PCDHA10: variants seen among roughly 807,000 people sequenced by gnomAD.
PCDHA10 encodes protocadherin alpha 10.
In PCDHA10, 45 loss-of-function variants were observed where a neutral mutation model predicts 61.2. The ratio of observed to expected loss-of-function variants is 0.74; its 90% confidence interval spans 0.58 to 0.94. The LOEUF (loss-of-function observed/expected upper bound fraction) is 0.94. PCDHA10 is among the 40% of genes least tolerant of loss of function. The pLI is 0.00. For missense variants in PCDHA10, 1,278 were observed against 1,236.2 expected, an observed-to-expected ratio of 1.03 and a Z score of -0.51; for synonymous variants, 602 against 548.8, an observed-to-expected ratio of 1.10 and a Z score of -1.35.
chr5:140,942,901 A>T (rs1361297196), intron 1 of PCDHA10, among the ~76,000 whole-genome samples: 1 of 152,094 alleles, frequency 6.6e-6, no homozygotes, highest in East Asian at 1.9e-4. Context: ...TATCTCTAAG[A>T]ATAAGCGTGA....
chr5:140,888,059 T>C (rs1562834280), intron 1 of PCDHA10, among the ~76,000 whole-genome samples: 1 of 152,232 alleles, frequency 6.6e-6, no homozygotes, highest in African/African-American at 2.4e-5. Context: ...TGTTTTAACT[T>C]TCTTGTCTGC....
chr5:140,882,336 C>T, intron 1 of PCDHA10: 1 of 1,614,162 alleles, frequency 6.2e-7, no homozygotes, highest in Non-Finnish European at 8.5e-7. Flanking sequence ...ATCCTCGCAG[C>T]CTGGGAGACG....
At chr5:140,904,412 A>C (rs1554191488) in intron 1 of PCDHA10, among the ~76,000 whole-genome samples, 2 of 150,986 alleles carry the variant, frequency 1.3e-5, no homozygotes, top group Non-Finnish European at 2.9e-5. Context: ...TATATATATA[A>C]TACATATATT....
At position 140,978,994 on chromosome 5, in the gene PCDHA10, GCAGGCATGCA is replaced by G; in HGVS notation, c.2439_2447+1del. 3 of 1,614,152 alleles carry G rather than the reference GCAGGCATGCA, an allele frequency of 1.9e-6. No homozygotes were observed. The highest frequency in any genetic ancestry group is 8.5e-7 in the Non-Finnish European group (1 of 1,180,022). ...CTGGCGTTACTCTGCCTCCCTGAGA[GCAGGCATGCA>G]CAGGTATGTATTTCCCTCCTCATTC... On this transcript the variant is annotated frameshift_variant, in exon 2 of 4. Transcript: ENST00000307360. LOFTEE classifies it high-confidence loss of function.
chr5:140,928,409 C>A (rs782636217), intron 1 of PCDHA10: 2 of 1,613,912 alleles, frequency 1.2e-6, no homozygotes, highest in Non-Finnish European at 8.5e-7. Context: ...TCCAGTGGGG[C>A]CATCACTGCC....
chr5:140,859,450 G>T, intron 1 of PCDHA10: 1 of 220,914 alleles, frequency 4.5e-6, no homozygotes, highest in Non-Finnish European at 8.7e-6. Context: ...TAGTTGCAGA[G>T]TGACAAAACT....
intron 1 of PCDHA10, 102 bp from the exon 2 acceptor site, chr5:140,978,847 G>GA: frequency 6.4e-7 from 1 of 1,570,216 alleles, no homozygotes; most frequent in Non-Finnish European, 8.6e-7. Context: ...TACTTTTTTA[G>GA]ATGCCTGGAA....
At chr5:140,870,477 G>A (rs781992966) in intron 1 of PCDHA10, 2 of 1,614,238 alleles carry the variant, frequency 1.2e-6, no homozygotes, top group East Asian at 2.2e-5. Flanking sequence ...CACAGCCCGA[G>A]TACACCGTGT....
intron 1 of PCDHA10, among the ~76,000 whole-genome samples, chr5:140,949,802 A>G (rs974562597): frequency 1.3e-5 from 2 of 151,818 alleles, no homozygotes; most frequent in Admixed American, 6.6e-5. Flanking sequence ...CCTTCAATAC[A>G]TTATTTGCTT....
Position 140,856,978 on chromosome 5 carries a change from G to A in PCDHA10, c.930G>A (p.Glu310=). 2 of 1,594,578 alleles carry A rather than the reference G, an allele frequency of 1.3e-6. No homozygotes were observed. Among genetic ancestry groups the A allele is most frequent in the Non-Finnish European group, 1.7e-6 (2 of 1,164,440 alleles). Residue 310 remains glutamate (E), a synonymous_variant, in exon 1 of 4, where the codon GAG becomes GAA. Transcript: ENST00000307360. ...EIKVNDAIDF[E]DSNTYEIHVD... ...AAGTAAATGATGCTATTGACTTTGA[G>A]GACAGTAACACTTATGAAATTCATG... is the stretch of plus-strand genomic sequence containing the variant.
chr5:140,875,567 A>G (rs1389005721), intron 1 of PCDHA10: 14 of 1,613,986 alleles, frequency 8.7e-6, no homozygotes, highest in African/African-American at 2.7e-5. Context: ...GGCCAGCTCC[A>G]CTACTCCGTC....
rs1455018619 is a variant in PCDHA10, at chr5:140,856,553, T to TAC, written c.507_508dup (p.Lys170ThrfsTer14). ...TGTTGGAGAGAACGCATTGCTTACT[T>TAC]ACAAACTCAGTCCAAATGAGTATTT... is the stretch of plus-strand genomic sequence containing the variant. On this transcript the variant is annotated frameshift_variant, in exon 1 of 4. Transcript: ENST00000307360. LOFTEE classifies it high-confidence loss of function. 2 of 1,598,066 alleles carry TAC rather than the reference T, an allele frequency of 1.3e-6. No homozygotes were observed. The highest frequency in any genetic ancestry group is 2.7e-5 in the African/African-American group (2 of 74,290).
chr5:140,921,694 A>G (rs1251407999), intron 1 of PCDHA10, among the ~76,000 whole-genome samples: 1 of 152,200 alleles, frequency 6.6e-6, no homozygotes, highest in Non-Finnish European at 1.5e-5. Context: ...TGGCCACCTC[A>G]ATTTTAAACA....
At chr5:140,883,466 A>G (rs782104317) in intron 1 of PCDHA10, 43 of 1,614,010 alleles carry the variant, frequency 2.7e-5, no homozygotes, top group Non-Finnish European at 3.5e-5. Context: ...GCTGGTGTCC[A>G]CCTACAAGAA....
intron 1 of PCDHA10, among the ~76,000 whole-genome samples, chr5:140,937,175 C>A: frequency 6.6e-6 from 1 of 151,650 alleles, no homozygotes; most frequent in Non-Finnish European, 1.5e-5. Context: ...GTAGCTGGGA[C>A]TACAGGCGCC....
At chr5:140,863,178 C>T (rs1420894530) in intron 1 of PCDHA10, 2 of 736,748 alleles carry the variant, frequency 2.7e-6, no homozygotes, top group Non-Finnish European at 4.7e-6. Flanking sequence ...TGACTGCCAC[C>T]GTCACCGTGG....
chr5:140,927,632 C>G (rs2084445013), intron 1 of PCDHA10: 2 of 1,614,142 alleles, frequency 1.2e-6, no homozygotes, highest in Non-Finnish European at 1.7e-6. Context: ...GAGACTGCAC[C>G]CAATGGGACT....
intron 3 of PCDHA10, among the ~76,000 whole-genome samples, chr5:141,000,228 G>C (rs994042672): frequency 3.3e-5 from 5 of 151,306 alleles, no homozygotes; most frequent in Non-Finnish European, 2.9e-5. Context: ...CCTGTGTGGA[G>C]CTGAATGTGG....
chr5:140,990,205 G>T (rs2097380865), intron 3 of PCDHA10, among the ~76,000 whole-genome samples: 1 of 152,116 alleles, frequency 6.6e-6, no homozygotes, highest in Non-Finnish European at 1.5e-5. Context: ...ACCCGAAAGA[G>T]AACAAAGAGA....
Sources: gnomAD v4.1 joint callset for allele counts (sites outside exome capture counted in the v4.1 genomes callset) on GRCh38, gnomAD v4.1.1 for gene constraint, MANE v1.5 for transcripts, NCBI Gene and HGNC (gene_info 2026-07-23, HGNC 2026-07-21) for gene names.